SLC12A8: variants seen among roughly 807,000 people sequenced by gnomAD.
The protein encoded by SLC12A8 is cation-chloride cotransporter 9.
SLC12A8 carries 69 observed loss-of-function variants against 75.6 expected under a neutral mutation model. That is an observed-to-expected ratio of 0.91 (90% CI 0.75 to 1.11). The LOEUF (loss-of-function observed/expected upper bound fraction) is 1.11, where lower values mean the gene tolerates loss of function less well. Among genes scored for constraint, SLC12A8 ranks in the 50% most tolerant of loss-of-function variants. SLC12A8 has a pLI of 0.00. For synonymous variants in SLC12A8, 365 were observed against 372.8 expected (o/e 0.98, Z 0.24); for missense variants, 877 against 896.7 (o/e 0.98, Z 0.28).
chr3:125,105,095 C>A (rs144170066), intron 10 of SLC12A8, among the ~76,000 whole-genome samples: 5 of 151,498 alleles, frequency 3.3e-5, no homozygotes, highest in Non-Finnish European at 5.9e-5. Flanking sequence ...TCATTAGAAG[C>A]CTTGGGAGAG....
chr3:125,166,120 G>A (rs149548251), intron 5 of SLC12A8, among the ~76,000 whole-genome samples: 2 of 152,026 alleles, frequency 1.3e-5, no homozygotes, highest in East Asian at 1.9e-4. Context: ...CCCATGCTGC[G>A]GGGCGCTTTA....
chr3:125,179,733 A>AGAGAGAGAGAGAG (rs1560077720), intron 4 of SLC12A8, among the ~76,000 whole-genome samples: 18 of 135,080 alleles, frequency 1.3e-4, no homozygotes, highest in African/African-American at 4.8e-4. Flanking sequence ...GAGAGAGAGA[A>AGAGAGAGAGAGAG]AGAGAAAGAC....
intron 5 of SLC12A8, among the ~76,000 whole-genome samples, chr3:125,165,327 A>G (rs1172120692): frequency 1.3e-5 from 2 of 152,230 alleles, no homozygotes; most frequent in East Asian, 3.9e-4. Context: ...TCCAGCCATG[A>G]GAGGCCAGAA....
chr3:125,116,931 AGAC>A (rs1229167330), intron 8 of SLC12A8, among the ~76,000 whole-genome samples: 3 of 152,278 alleles, frequency 2.0e-5, no homozygotes, highest in Non-Finnish European at 4.4e-5. Flanking sequence ...GTGAAACTTC[AGAC>A]GGAAGCATGC....
chr3:125,112,674 C>A (rs1939216954), intron 8 of SLC12A8, among the ~76,000 whole-genome samples: 1 of 152,200 alleles, frequency 6.6e-6, no homozygotes, highest in African/African-American at 2.4e-5. Context: ...TCATCGATAA[C>A]CTTTATTTCC....
At chr3:125,187,471 G>A in intron 3 of SLC12A8, 43 bp from the exon 4 acceptor site, 1 of 1,579,208 alleles carries the variant, frequency 6.3e-7, no homozygotes, top group African/African-American at 1.3e-5. Flanking sequence ...TAGGTGAGGA[G>A]GCCCCGCCAG....
At chr3:125,166,973 G>A (rs752476029) in intron 5 of SLC12A8, among the ~76,000 whole-genome samples, 5 of 152,132 alleles carry the variant, frequency 3.3e-5, no homozygotes, top group Non-Finnish European at 5.9e-5. Context: ...GGAACAGGAC[G>A]GGGTCGGTGA....
chr3:125,089,405 G>C (rs1938533426), intron 12 of SLC12A8, among the ~76,000 whole-genome samples: 2 of 152,074 alleles, frequency 1.3e-5, no homozygotes, highest in South Asian at 4.1e-4. Context: ...ACATTGGCCT[G>C]AAATTTGATT....
At chr3:125,177,524 T>C (rs1031139581) in intron 5 of SLC12A8, among the ~76,000 whole-genome samples, 1 of 151,364 alleles carries the variant, frequency 6.6e-6, no homozygotes, top group African/African-American at 2.4e-5. Context: ...AAAGGACACA[T>C]AGAAAATGTG....
rs1933472753 is a variant in SLC12A8 at position 125,135,713 on chromosome 3, T to TC, written c.691dup (p.Glu231GlyfsTer68). 1 of 1,609,070 alleles carries TC rather than the reference T, an allele frequency of 6.2e-7. No homozygotes were observed. Among genetic ancestry groups the TC allele is most frequent in the Non-Finnish European group, 8.5e-7 (1 of 1,176,978 alleles). On this transcript the variant is annotated frameshift_variant, in exon 6 of 14. Transcript: ENST00000469902. LOFTEE classifies it high-confidence loss of function. ...AACCCCAAAGACAGTGAAAAAAGAT[T>TC]CCCCCGGGCTGTAATCGGGCAGCGT...
At chr3:125,125,469 A>G (rs1166721771) in intron 6 of SLC12A8, among the ~76,000 whole-genome samples, 3 of 152,118 alleles carry the variant, frequency 2.0e-5, no homozygotes, top group African/African-American at 4.8e-5. Context: ...TGAGGCAGGA[A>G]AATCGCTTGA....
intron 2 of SLC12A8, among the ~76,000 whole-genome samples, chr3:125,195,028 G>A (rs1057138372): frequency 6.6e-6 from 1 of 152,256 alleles, no homozygotes; most frequent in Non-Finnish European, 1.5e-5. Flanking sequence ...CACATGTGCA[G>A]CTACATGCCT....
chr3:125,120,022 G>C, intron 7 of SLC12A8: 1 of 390,510 alleles, frequency 2.6e-6, no homozygotes, highest in South Asian at 1.9e-5. Flanking sequence ...CTGGAGGGGA[G>C]GCTCACTGGG....
chr3:125,186,953 C>G (rs1359606688), intron 4 of SLC12A8, among the ~76,000 whole-genome samples: 28 of 152,232 alleles, frequency 1.8e-4, no homozygotes, highest in Admixed American at 1.8e-3. Flanking sequence ...CAATCTGGTC[C>G]CCAGATTGAA....
At chr3:125,151,021 C>A (rs530620037) in intron 5 of SLC12A8, 1 of 152,322 alleles carries the variant, frequency 6.6e-6, no homozygotes, top group Non-Finnish European at 1.5e-5. Flanking sequence ...GCAAGTATCA[C>A]AACTTGTTTG....
At chr3:125,209,353 T>G (rs558659243) in intron 2 of SLC12A8, among the ~76,000 whole-genome samples, 1 of 152,194 alleles carries the variant, frequency 6.6e-6, no homozygotes, top group African/African-American at 2.4e-5. Flanking sequence ...CTTCAGAATG[T>G]TGTAGTGGAG....
At chr3:125,098,828 G>A (rs977908333) in intron 10 of SLC12A8, among the ~76,000 whole-genome samples, 4 of 152,192 alleles carry the variant, frequency 2.6e-5, no homozygotes, top group Non-Finnish European at 5.9e-5. Context: ...CAGGGCAAAA[G>A]GCTGTGGCTT....
intron 13 of SLC12A8, among the ~76,000 whole-genome samples, chr3:125,085,220 G>C (rs1938428228): frequency 6.6e-6 from 1 of 152,202 alleles, no homozygotes; most frequent in South Asian, 2.1e-4. Flanking sequence ...ACATGTAAGT[G>C]TTTTTGCTAA....
Position 125,118,797 on chromosome 3 carries a change from A to AG in SLC12A8, c.883dup (p.Leu295ProfsTer4), listed in dbSNP as rs1232437977. 1 of 1,613,814 alleles carries AG rather than the reference A, an allele frequency of 6.2e-7. No homozygotes were observed. The highest frequency in any genetic ancestry group is 2.2e-5 in the East Asian group (1 of 44,890). On this transcript the variant is annotated frameshift_variant, in exon 8 of 14. Transcript: ENST00000469902. LOFTEE classifies it high-confidence loss of function. ...TTCCGCTATCAGGAAGTCATAGCGA[A>AG]GGGCCTCTCGAGTGCAGATGGCGCC...
Sources: allele counts gnomAD v4.1 joint callset (sites outside exome capture counted in the v4.1 genomes callset), GRCh38; gene constraint gnomAD v4.1.1; transcripts MANE v1.5; gene names NCBI Gene and HGNC (gene_info 2026-07-23, HGNC 2026-07-21).